VWF: variants seen among roughly 807,000 people sequenced by gnomAD.
VWF encodes the protein von Willebrand factor, also known as Factor VIII related antigen.
VWF carries 176 observed loss-of-function variants against 308.6 expected under a neutral mutation model. The ratio of observed to expected loss-of-function variants is 0.57; its 90% CI spans 0.50 to 0.65. The LOEUF (loss-of-function observed/expected upper bound fraction) is 0.65, where lower values mean the gene tolerates loss of function less well. Among genes scored for constraint, VWF ranks in the 30% least tolerant of loss-of-function variants. VWF has a pLI of 0.00. For synonymous variants in VWF, 1,385 were observed against 1,443.4 expected (o/e 0.96, Z 0.92); for missense variants, 3,146 against 3,648.2 (o/e 0.86, Z 3.55).
rs1460217918 is a variant in VWF, at chr12:6,117,855, C to T, written c.220+3319G>A. 5.9e-5 allele frequency among the ~76,000 whole-genome samples: 9 copies of T among 152,290 alleles called. 1 individual carries two copies. The Middle Eastern group carries it at 0.014, about 230-fold the overall frequency. On this transcript the variant is annotated intron_variant, in intron 3 of 51. Coordinates refer to ENST00000261405, the MANE Select transcript of VWF (RefSeq NM_000552.5). ...TGAGGAATTGGAGGCTAAGACAGCA[C>T]AACTGCCCTCGGAACACTCAGTGAA...
chr12:5,970,776 C>G (rs1159843729), intron 44 of VWF, among the ~76,000 whole-genome samples: 4 of 152,206 alleles, frequency 2.6e-5, no homozygotes, highest in South Asian at 2.1e-4. Flanking sequence ...GCGCATTGGT[C>G]TTGCTGGGGA....
intron 28 of VWF, among the ~76,000 whole-genome samples, chr12:6,017,993 G>A (rs532525251): frequency 6.6e-6 from 1 of 151,834 alleles, no homozygotes; most frequent in South Asian, 2.1e-4. Flanking sequence ...ACCTTTAACA[G>A]AGGTTACCTT....
At chr12:5,977,109 C>T (rs886888541) in intron 42 of VWF, among the ~76,000 whole-genome samples, 19 of 152,192 alleles carry the variant, frequency 1.2e-4, no homozygotes, top group Admixed American at 3.3e-4. Flanking sequence ...TTGAATGAGA[C>T]CCCTTGTTCT....
Position 6,102,929 on chromosome 12 carries a change from G to A in VWF, c.533-7345C>T, listed in dbSNP as rs571662262. On this transcript the variant is annotated intron_variant, in intron 5 of 51. Transcript: ENST00000261405. ...CTGAAAAACAGACCGAATAGCCAAA[G>A]CAATCCTGAACAAAAAGAACAAAGC... Among the ~76,000 whole-genome samples, 356 of 152,212 alleles carry A rather than the reference G, an allele frequency of 2.3e-3. 11 individuals are homozygous for A. In the South Asian group the frequency reaches 0.072, roughly 31 times the overall value.
intron 15 of VWF, among the ~76,000 whole-genome samples, chr12:6,055,165 T>C (rs1380632247): frequency 6.6e-6 from 1 of 152,210 alleles, no homozygotes; most frequent in Non-Finnish European, 1.5e-5. Context: ...CAGTGGAGGT[T>C]AAGAATGGCT....
At chr12:6,018,267 G>C in intron 28 of VWF, 98 bp downstream of exon 28, 1 of 1,471,642 alleles carries the variant, frequency 6.8e-7, no homozygotes, top group Non-Finnish European at 9.2e-7. Flanking sequence ...GGGAAGCCAG[G>C]ATTAGAACCC....
In VWF at chr12:6,121,103, C is replaced by T. The variant is rs531709650; in HGVS notation, c.220+71G>A. ...CAGACACTGTCCTGAGAGCAGGAATCCTCCCCCACACCAGGGCTAAGCTCA... is the reference window on the plus strand; with the variant it reads ...CAGACACTGTCCTGAGAGCAGGAATTCTCCCCCACACCAGGGCTAAGCTCA... On this transcript the variant is annotated intron_variant, in intron 3 of 51. Transcript: ENST00000261405. 5.8e-3 allele frequency: 9,204 copies of T among 1,599,740 alleles called. 48 individuals are homozygous for T. The highest frequency in any genetic ancestry group is 6.9e-3 in the Non-Finnish European group (8,029 of 1,168,736).
chr12:6,107,105 C>T (rs1413269723), intron 5 of VWF, among the ~76,000 whole-genome samples: 1 of 152,070 alleles, frequency 6.6e-6, no homozygotes, highest in Non-Finnish European at 1.5e-5. Context: ...ATACATGCAC[C>T]AATATGGATT....
Position 6,041,902 on chromosome 12 carries a change from C to T in VWF, c.2442+2389G>A, listed in dbSNP as rs1342410553. Among the ~76,000 whole-genome samples the T allele has an allele frequency of 3.9e-5, 6 of 152,314 alleles. No homozygotes were observed. The East Asian group carries it at 9.7e-4, about 25-fold the overall frequency. On this transcript the variant is annotated intron_variant, in intron 18 of 51. Transcript: ENST00000261405. ...ATCCTTTACAGGTCTCTCCTATGGA[C>T]AGCAGGAAGAACTGATGGGTGCAGC...
intron 10 of VWF, among the ~76,000 whole-genome samples, chr12:6,070,600 T>C (rs761040839): frequency 6.6e-6 from 1 of 152,188 alleles, no homozygotes; most frequent in African/African-American, 2.4e-5. Context: ...AACCGGAAAG[T>C]GTTTAGCACA....
At chr12:5,965,159 C>T (rs949948939) in intron 47 of VWF, among the ~76,000 whole-genome samples, 2 of 152,184 alleles carry the variant, frequency 1.3e-5, no homozygotes, top group African/African-American at 4.8e-5. Flanking sequence ...AGGAAACATC[C>T]TTCTCAGGAG....
Position 6,064,337 on chromosome 12 carries a change from C to A in VWF, c.1341G>T (p.Arg447=). ...DAVCTRSVTV[R]LPGLHNSLVK... ...CAAGGCTGTTGTGCAGGCCAGGCAG[C>A]CGGACGGTGACGGAGCGGGTGCACA... The change falls in exon 12 of 52, where the codon CGG becomes CGT. Residue 447 remains arginine (R), a synonymous_variant. Coordinates refer to ENST00000261405, the MANE Select transcript of VWF (RefSeq NM_000552.5). The A allele has an allele frequency of 6.2e-7, 1 of 1,614,174 alleles. No individual in the cohort carries two copies. Among genetic ancestry groups the A allele is most frequent in the South Asian group, 1.1e-5 (1 of 91,082 alleles).
chr12:5,977,950 A>G (rs1244256123), intron 42 of VWF, among the ~76,000 whole-genome samples: 1 of 148,690 alleles, frequency 6.7e-6, no homozygotes, highest in Non-Finnish European at 1.5e-5. Flanking sequence ...AGGTAGAGAA[A>G]ACACAGAGTA....
chr12:5,993,306 A>T (rs1943765346), intron 37 of VWF, among the ~76,000 whole-genome samples: 1 of 152,216 alleles, frequency 6.6e-6, no homozygotes. Context: ...TGCCAAGTCC[A>T]GGTAGGGAAG....
chr12:6,041,456 T>G (rs1042644632), intron 18 of VWF, among the ~76,000 whole-genome samples: 1 of 146,566 alleles, frequency 6.8e-6, no homozygotes, highest in African/African-American at 2.6e-5. Flanking sequence ...AAAAAAGAAA[T>G]TTTTTTTTTT....
chr12:6,101,307 T>C (rs1945158719), intron 5 of VWF, among the ~76,000 whole-genome samples: 1 of 152,078 alleles, frequency 6.6e-6, no homozygotes, highest in Non-Finnish European at 1.5e-5. Flanking sequence ...AGTTTCAAGC[T>C]ACCAATGTGA....
At chr12:6,087,520 G>A (rs917776345) in intron 6 of VWF, among the ~76,000 whole-genome samples, 4 of 141,948 alleles carry the variant, frequency 2.8e-5, no homozygotes, top group South Asian at 2.6e-4. Flanking sequence ...CACCACGCCC[G>A]GCTAATTTTT....
chr12:5,977,872 T>C (rs1266035571), intron 42 of VWF, among the ~76,000 whole-genome samples: 6 of 148,336 alleles, frequency 4.0e-5, no homozygotes, highest in African/African-American at 1.5e-4. Context: ...CCTATCTCTC[T>C]CTCTATATAT....
At chr12:6,107,344 T>C (rs1260755209) in intron 5 of VWF, among the ~76,000 whole-genome samples, 1 of 152,212 alleles carries the variant, frequency 6.6e-6, no homozygotes, top group South Asian at 2.1e-4. Context: ...GGTGGTTACA[T>C]GACTCTACGC....
Sources: gnomAD v4.1 joint callset for allele counts (sites outside exome capture counted in the v4.1 genomes callset) on GRCh38, gnomAD v4.1.1 for gene constraint, MANE v1.5 for transcripts, NCBI Gene and HGNC (gene_info 2026-07-23, HGNC 2026-07-21) for gene names.